The following RTN1 variants were observed in gnomAD, a reference collection of about 807,000 sequenced individuals.
RTN1 encodes reticulon-1.
RTN1 carries 25 observed loss-of-function variants against 65.5 expected under a neutral mutation model. The ratio of observed to expected loss-of-function variants is 0.38; its 90% CI spans 0.28 to 0.53. The LOEUF (loss-of-function observed/expected upper bound fraction) is 0.53, where lower values mean the gene tolerates loss of function less well. RTN1 is among the 20% of genes least tolerant of loss of function. The pLI is 0.79. For synonymous variants in RTN1, 471 were observed against 447.6 expected (o/e 1.05, Z -0.66); for missense variants, 983 against 1,025.4 (o/e 0.96, Z 0.57).
chr14:59,615,554 T>A (rs1455541865), intron 3 of RTN1, among the ~76,000 whole-genome samples: 2 of 152,214 alleles, frequency 1.3e-5, no homozygotes, highest in African/African-American at 2.4e-5. Context: ...AGAAAATTGA[T>A]CTGCTGTTTA....
At position 59,846,931 on chromosome 14, in the gene RTN1, C is replaced by T. The variant is rs187612316; in HGVS notation, c.241+23459G>A. On this transcript the variant is annotated intron_variant, in intron 1 of 8. Transcript: ENST00000267484. The surrounding 1 kb of genome is among the most constrained non-coding windows in gnomAD (Gnocchi z 4.8). ...AATGCAAATGAAGAGCTCTGTACCCCTTCATCACCATTCTAGAAACCTAGT... is the reference window on the plus strand; with the variant it reads ...AATGCAAATGAAGAGCTCTGTACCCTTTCATCACCATTCTAGAAACCTAGT... 2.0e-5 allele frequency among the ~76,000 whole-genome samples: 3 copies of T among 152,284 alleles called. No individual in the cohort carries two copies. Among genetic ancestry groups the T allele is most frequent in the Non-Finnish European group, 2.9e-5 (2 of 68,018 alleles).
chr14:59,843,266 T>C lies in RTN1; in HGVS notation c.241+27124A>G, dbSNP rs1441277060. ...GCTGTCCAAAGACAGGCAGAGCCAC[T>C]CTGTGGTGATAGAAGCCAGAATAAC... On this transcript the variant is annotated intron_variant, in intron 1 of 8. Coordinates refer to ENST00000267484, the MANE Select transcript of RTN1 (RefSeq NM_021136.3). 3.3e-5 allele frequency among the ~76,000 whole-genome samples: 5 copies of C among 152,154 alleles called. No homozygotes were observed. The East Asian group carries it at 9.6e-4, about 29-fold the overall frequency.
intron 1 of RTN1, among the ~76,000 whole-genome samples, chr14:59,851,509 AT>A (rs1259187735): frequency 2.0e-5 from 3 of 152,206 alleles, no homozygotes; most frequent in African/African-American, 7.2e-5. Flanking sequence ...TAGAAAGTAT[AT>A]TACTTCTCTT....
intron 3 of RTN1, among the ~76,000 whole-genome samples, chr14:59,648,096 TG>T (rs1165505667): frequency 1.3e-5 from 2 of 152,054 alleles, no homozygotes; most frequent in African/African-American, 4.8e-5. Context: ...AAATGACAAA[TG>T]GGATGTTACC....
intron 3 of RTN1, among the ~76,000 whole-genome samples, chr14:59,646,666 C>T (rs935269723): frequency 2.0e-5 from 3 of 152,030 alleles, no homozygotes; most frequent in African/African-American, 7.2e-5. Context: ...AAATCTTCAA[C>T]CAAGAATTTC....
intron 3 of RTN1, among the ~76,000 whole-genome samples, chr14:59,687,099 G>T (rs1442547981): frequency 6.6e-6 from 1 of 152,160 alleles, no homozygotes; most frequent in African/African-American, 2.4e-5. Context: ...ATCTCATCTG[G>T]GTGATGAGAC....
At chr14:59,779,077 C>T (rs1886105660) in intron 1 of RTN1, among the ~76,000 whole-genome samples, 1 of 151,964 alleles carries the variant, frequency 6.6e-6, no homozygotes, top group South Asian at 2.1e-4. Flanking sequence ...AGCAGTGGTC[C>T]AGGGGAGCAG....
At chr14:59,604,042 A>G (rs1881666137) in intron 5 of RTN1, 121 bp from the exon 6 acceptor site, 10 of 646,174 alleles carry the variant, frequency 1.5e-5, no homozygotes, top group South Asian at 1.2e-4. Context: ...TCGATAGTCA[A>G]TGAAAGGCGT....
rs953237339 is a variant in RTN1 at position 59,846,439 on chromosome 14, CCA to C, written c.241+23949_241+23950del. Among the ~76,000 whole-genome samples, 22 of 152,150 alleles carry C rather than the reference CCA, an allele frequency of 1.4e-4. No individual in the cohort carries two copies. The highest frequency in any genetic ancestry group is 5.3e-4 in the African/African-American group (22 of 41,510). On this transcript the variant is annotated intron_variant, in intron 1 of 8. Transcript: ENST00000267484. This position sits in a 1 kb window ranked among gnomAD's most constrained non-coding sequence, Gnocchi z 4.8. ...ACGTGTGTACACACACACGTGTGTA[CCA>C]CACACATCCACACTCATCTGTCACT...
At chr14:59,690,523 A>G (rs1367978639) in intron 3 of RTN1, among the ~76,000 whole-genome samples, 1 of 152,272 alleles carries the variant, frequency 6.6e-6, no homozygotes, top group East Asian at 1.9e-4. Context: ...TACTGACAGT[A>G]TTAGATAATA....
intron 8 of RTN1, among the ~76,000 whole-genome samples, chr14:59,599,354 C>G (rs1271813448): frequency 6.6e-6 from 1 of 152,176 alleles, no homozygotes; most frequent in African/African-American, 2.4e-5. Context: ...AGCTTGCCAT[C>G]TTCTGAATTT....
At chr14:59,847,858 G>T (rs545929704) in intron 1 of RTN1, among the ~76,000 whole-genome samples, 2 of 152,296 alleles carry the variant, frequency 1.3e-5, no homozygotes, top group Admixed American at 1.3e-4. Flanking sequence ...TGAAGAGACT[G>T]CAGAGGAAGC....
At chr14:59,657,657 C>T (rs1406689408) in intron 3 of RTN1, among the ~76,000 whole-genome samples, 7 of 152,146 alleles carry the variant, frequency 4.6e-5, no homozygotes, top group Non-Finnish European at 1.0e-4. Context: ...GAACTCCCTC[C>T]CCTAGCCAAG....
chr14:59,715,215 C>T (rs1472760687), intron 3 of RTN1, among the ~76,000 whole-genome samples: 1 of 152,182 alleles, frequency 6.6e-6, no homozygotes, highest in African/African-American at 2.4e-5. Flanking sequence ...AGAGGCAAAT[C>T]AGTTCCAATT....
chr14:59,858,668 A>G (rs1485641743), intron 1 of RTN1, among the ~76,000 whole-genome samples: 1 of 152,208 alleles, frequency 6.6e-6, no homozygotes, highest in Non-Finnish European at 1.5e-5. Context: ...ATTAGAATGG[A>G]GAATTCTTCC....
intron 1 of RTN1, among the ~76,000 whole-genome samples, chr14:59,853,856 A>G (rs911970637): frequency 4.1e-5 from 6 of 146,400 alleles, no homozygotes; most frequent in Admixed American, 1.4e-4. Flanking sequence ...TCCCTATTAA[A>G]CTTTTACTTT....
intron 1 of RTN1, among the ~76,000 whole-genome samples, chr14:59,749,123 TAG>T (rs199632274): frequency 0.14 from 6,928 of 49,434 alleles, 1,294 homozygotes; most frequent in African/African-American, 0.41. Flanking sequence ...TATATATATA[TAG>T]ATATATCTAT....
At chr14:59,814,366 T>TAGATAGC (rs1200365816) in intron 1 of RTN1, among the ~76,000 whole-genome samples, 4 of 152,188 alleles carry the variant, frequency 2.6e-5, no homozygotes, top group African/African-American at 9.6e-5. Context: ...GCTCAATTGA[T>TAGATAGC]AGATAGCTGA....
chr14:59,607,422 G>C lies in RTN1; in HGVS notation c.1836C>G (p.Leu612=). Residue 612 remains leucine, a synonymous_variant, in exon 4 of 9, where the codon CTC becomes CTG. Transcript: ENST00000267484. ...CCACGCTGAACTGGGTCAGGGAGAA[G>C]AGCAGCAGCAGGAAACTCCCAAACA... ...GIVFGSFLLL[L]FSLTQFSVVS... The C allele has an allele frequency of 6.2e-7, 1 of 1,613,760 alleles. No individual in the cohort carries two copies.
Sources: gnomAD v4.1 joint callset for allele counts (sites outside exome capture counted in the v4.1 genomes callset) on GRCh38, gnomAD v4.1.1 for gene constraint, Gnocchi (gnomAD v3.1) non-coding constraint, MANE v1.5 for transcripts, NCBI Gene and HGNC (gene_info 2026-07-23, HGNC 2026-07-21) for gene names.